PARD3B: variants seen among roughly 807,000 people sequenced by gnomAD.
PARD3B encodes the protein par-3 family cell polarity regulator beta.
Under a neutral mutation model 130.2 loss-of-function variants are expected in PARD3B, and 103 were observed. The ratio of observed to expected loss-of-function variants is 0.79; its 90% confidence interval spans 0.67 to 0.93. The LOEUF is 0.93. Among genes scored for constraint, PARD3B ranks in the 40% least tolerant of loss-of-function variants. The pLI is 0.00. For synonymous variants in PARD3B, 583 were observed against 553.2 expected (o/e 1.05, Z -0.76); for missense variants, 1,609 against 1,499.2 (o/e 1.07, Z -1.21).
At position 205,291,438 on chromosome 2, in the gene PARD3B, G is replaced by A. The variant is rs576374283; in HGVS notation, c.2186-9092G>A. On this transcript the variant is annotated intron_variant, in intron 16 of 22. Transcript: ENST00000406610. The surrounding 1 kb of genome is among the most constrained non-coding windows in gnomAD (Gnocchi z 4.6). Reference sequence around the variant, plus strand: ...TGGAAATGAGGAACATGTTATTCACGGAAACTGGAGAAAAGACCATCCTCG... The same window carrying A: ...TGGAAATGAGGAACATGTTATTCACAGAAACTGGAGAAAAGACCATCCTCG... 2.2e-4 allele frequency among the ~76,000 whole-genome samples: 33 copies of A among 152,276 alleles called. No individual in the cohort carries two copies. The highest frequency in any genetic ancestry group is 7.7e-4 in the African/African-American group (32 of 41,558).
rs544074934 is a variant in PARD3B at position 205,201,645 on chromosome 2, C to T, written c.2140+8325C>T. On this transcript the variant is annotated intron_variant, in intron 15 of 22. Coordinates refer to ENST00000406610, the MANE Select transcript of PARD3B (RefSeq NM_001302769.2). ...CTGAGGTCGGGAGTTCGAGACCAGC[C>T]TGACCAACATGGAGAAACCCTGTCT... Among the ~76,000 whole-genome samples, 10 of 152,192 alleles carry T rather than the reference C, an allele frequency of 6.6e-5. No homozygotes were observed. The South Asian group carries it at 2.1e-3, about 31-fold the overall frequency.
intron 22 of PARD3B, among the ~76,000 whole-genome samples, chr2:205,601,097 A>G (rs754372268): frequency 1.3e-5 from 2 of 152,148 alleles, no homozygotes; most frequent in Non-Finnish European, 2.9e-5. Context: ...TACAATGGTT[A>G]AACTAATTTA....
chr2:204,667,355 A>T (rs2036072217), intron 1 of PARD3B, among the ~76,000 whole-genome samples: 1 of 150,946 alleles, frequency 6.6e-6, no homozygotes, highest in African/African-American at 2.4e-5. Context: ...TACCTTAAAT[A>T]TTTTTTTTTA....
Position 205,128,240 on chromosome 2 carries a change from C to T in PARD3B, c.1434+2503C>T, listed in dbSNP as rs10497881. Among the ~76,000 whole-genome samples the T allele has an allele frequency of 0.27, 41,479 of 152,072 alleles. 6,536 individuals carry two copies. The highest frequency in any genetic ancestry group is 0.44 in the Admixed American group (6,714 of 15,266). ...TGCAAAAGAATGCAACCACAGAACT[C>T]CAACTAGGAACTTAAACCCTCGAGC... On this transcript the variant is annotated intron_variant, in intron 10 of 22. Coordinates refer to ENST00000406610, the MANE Select transcript of PARD3B (RefSeq NM_001302769.2). The surrounding 1 kb of genome is among the most constrained non-coding windows in gnomAD (Gnocchi z 4.5).
rs974057948 is a variant in PARD3B at position 205,187,842 on chromosome 2, C to T, written c.2024+1979C>T. Among the ~76,000 whole-genome samples, 1 of 152,186 alleles carries T rather than the reference C, an allele frequency of 6.6e-6. No homozygotes were observed. Among genetic ancestry groups the T allele is most frequent in the African/African-American group, 2.4e-5 (1 of 41,446 alleles). On this transcript the variant is annotated intron_variant, in intron 14 of 22. Coordinates refer to ENST00000406610, the MANE Select transcript of PARD3B (RefSeq NM_001302769.2). This position sits in a 1 kb window ranked among gnomAD's most constrained non-coding sequence, Gnocchi z 4.9. ...TGTTCTCACTTCTTTATTAGAACTG[C>T]TCTCTTAATCATCAACGGTAATCTC...
chr2:204,915,395 T>G (rs1162440005), intron 2 of PARD3B, among the ~76,000 whole-genome samples: 1 of 152,212 alleles, frequency 6.6e-6, no homozygotes, highest in Non-Finnish European at 1.5e-5. Context: ...TTAATTTTCA[T>G]TATTCCTTTG....
intron 21 of PARD3B, among the ~76,000 whole-genome samples, chr2:205,542,238 G>A (rs972056693): frequency 1.3e-5 from 2 of 148,614 alleles, no homozygotes; most frequent in Admixed American, 6.7e-5. Context: ...TGCATAAGAA[G>A]GACAAGATAA....
chr2:204,696,050 C>T (rs925200597), intron 2 of PARD3B, among the ~76,000 whole-genome samples: 10 of 151,950 alleles, frequency 6.6e-5, no homozygotes, highest in African/African-American at 2.4e-4. Flanking sequence ...TTGATAACGT[C>T]TGCATAGGTT....
intron 2 of PARD3B, among the ~76,000 whole-genome samples, chr2:204,918,579 G>A (rs2047539673): frequency 6.8e-6 from 1 of 146,118 alleles, no homozygotes; most frequent in Non-Finnish European, 1.5e-5. Flanking sequence ...GCAGTGAGCC[G>A]AGATCCCGCC....
intron 2 of PARD3B, among the ~76,000 whole-genome samples, chr2:204,734,141 T>C (rs927142470): frequency 2.6e-5 from 4 of 152,074 alleles, no homozygotes; most frequent in Non-Finnish European, 5.9e-5. Context: ...CCAAAAAAGA[T>C]AGACACATAA....
At chr2:204,763,307 T>C (rs551546508) in intron 2 of PARD3B, among the ~76,000 whole-genome samples, 323 of 152,312 alleles carry the variant, frequency 2.1e-3, no homozygotes, top group African/African-American at 7.6e-3. Context: ...ATATATAGAT[T>C]CAGTTTGCTT....
chr2:205,317,164 A>AC (rs1274450660), intron 18 of PARD3B, among the ~76,000 whole-genome samples: 2 of 152,210 alleles, frequency 1.3e-5, no homozygotes, highest in African/African-American at 4.8e-5. Context: ...CTTGCAGTGT[A>AC]CTCAGTAAAG....
chr2:205,064,098 T>C (rs1700218275), intron 4 of PARD3B, among the ~76,000 whole-genome samples: 2 of 152,166 alleles, frequency 1.3e-5, no homozygotes, highest in African/African-American at 2.4e-5. Flanking sequence ...GAGGAGAACA[T>C]GCACAGGTTA....
chr2:205,283,134 A>T (rs1447017871), intron 16 of PARD3B, among the ~76,000 whole-genome samples: 1 of 152,206 alleles, frequency 6.6e-6, no homozygotes, highest in Non-Finnish European at 1.5e-5. Flanking sequence ...ATATAGGCCC[A>T]ATTAGCCACT....
chr2:204,841,897 A>G (rs2044271096), intron 2 of PARD3B, among the ~76,000 whole-genome samples: 1 of 125,786 alleles, frequency 8.0e-6, no homozygotes, highest in Non-Finnish European at 2.0e-5. Flanking sequence ...TAAAATAACA[A>G]ATAATAAGAG....
At chr2:204,755,589 A>G (rs2040634510) in intron 2 of PARD3B, among the ~76,000 whole-genome samples, 1 of 152,146 alleles carries the variant, frequency 6.6e-6, no homozygotes, top group South Asian at 2.1e-4. Flanking sequence ...TACAGTCACT[A>G]TTTTATGTAC....
chr2:205,444,115 T>G (rs1197394613), intron 20 of PARD3B, among the ~76,000 whole-genome samples: 1 of 152,184 alleles, frequency 6.6e-6, no homozygotes, highest in Non-Finnish European at 1.5e-5. Context: ...CCCAAGTAGC[T>G]GGGACTACCG....
chr2:205,129,819 T>C (rs1287419152), intron 10 of PARD3B, among the ~76,000 whole-genome samples: 1 of 152,190 alleles, frequency 6.6e-6, no homozygotes, highest in Non-Finnish European at 1.5e-5. Context: ...AGTCCCAATA[T>C]AGAATTGTCT....
intron 2 of PARD3B, among the ~76,000 whole-genome samples, chr2:204,747,129 T>C (rs540609153): frequency 6.6e-6 from 1 of 152,326 alleles, no homozygotes; most frequent in Admixed American, 6.5e-5. Flanking sequence ...TTTAAGTCTT[T>C]AATCCATCTT....
Sources: gnomAD v4.1 joint callset for allele counts (sites outside exome capture counted in the v4.1 genomes callset) on GRCh38, gnomAD v4.1.1 for gene constraint, Gnocchi (gnomAD v3.1) non-coding constraint, MANE v1.5 for transcripts, NCBI Gene and HGNC (gene_info 2026-07-23, HGNC 2026-07-21) for gene names.